Variants in COL22A1 observed in about 807,000 individuals in gnomAD.
COL22A1 encodes the protein collagen type XXII alpha 1 chain, also known as collagen alpha-1(XXII) chain.
A neutral mutation model predicts 248.9 loss-of-function variants in COL22A1; 221 were observed. The ratio of observed to expected loss-of-function variants is 0.89; its 90% CI spans 0.80 to 0.99. COL22A1 has a LOEUF of 0.99. Among genes scored for constraint, COL22A1 ranks in the 50% least tolerant of loss-of-function variants. The probability of loss-of-function intolerance (pLI) is 0.00; values close to 1 mark genes in which losing one functional copy is unlikely to be tolerated. For synonymous variants in COL22A1, 891 were observed against 793.4 expected (o/e 1.12, Z -2.07); for missense variants, 2,240 against 2,179.0 (o/e 1.03, Z -0.56).
At chr8:138,755,624 T>C (rs1832934638) in intron 19 of COL22A1, 113 bp from the exon 20 acceptor site, 1 of 1,366,498 alleles carries the variant, frequency 7.3e-7, no homozygotes, top group African/African-American at 1.4e-5. Context: ...ATGTCGTGCC[T>C]CCTGACTTTT....
At chr8:138,911,206 T>C (rs1467747500) in intron 1 of COL22A1, among the ~76,000 whole-genome samples, 3 of 152,120 alleles carry the variant, frequency 2.0e-5, no homozygotes, top group Non-Finnish European at 4.4e-5. Context: ...GACTCCAACA[T>C]CCAGTGAAGC....
chr8:138,852,862 G>A (rs907061139), intron 3 of COL22A1, among the ~76,000 whole-genome samples: 7 of 152,054 alleles, frequency 4.6e-5, no homozygotes, highest in Non-Finnish European at 8.8e-5. Flanking sequence ...AGGGAAACAG[G>A]CTATGCCCAG....
intron 3 of COL22A1, among the ~76,000 whole-genome samples, chr8:138,853,242 G>A (rs1202798095): frequency 6.6e-6 from 1 of 152,216 alleles, no homozygotes; most frequent in Non-Finnish European, 1.5e-5. Flanking sequence ...CTGAATGATG[G>A]GGCGAGGGCC....
intron 7 of COL22A1, 130 bp from the exon 8 acceptor site, chr8:138,813,149 C>G: frequency 1.4e-6 from 1 of 696,152 alleles, no homozygotes; most frequent in Non-Finnish European, 2.6e-6. Context: ...GAGTCCACCC[C>G]AGGATACCCC....
At chr8:138,884,877 G>T (rs1289746245) in intron 1 of COL22A1, among the ~76,000 whole-genome samples, 1 of 148,780 alleles carries the variant, frequency 6.7e-6, no homozygotes, top group Non-Finnish European at 1.5e-5. Context: ...AATGTTAAAA[G>T]GAATCAGAAG....
chr8:138,821,906 C>G (rs1316853732), intron 6 of COL22A1, among the ~76,000 whole-genome samples: 2 of 152,190 alleles, frequency 1.3e-5, no homozygotes, highest in East Asian at 3.8e-4. Context: ...AAAGCTGGGG[C>G]TCCCATAAAA....
At chr8:138,832,589 C>T (rs1464365065) in intron 5 of COL22A1, among the ~76,000 whole-genome samples, 2 of 152,110 alleles carry the variant, frequency 1.3e-5, no homozygotes, top group African/African-American at 4.8e-5. Context: ...CAAGGGCATT[C>T]AGTAATCTGT....
At chr8:138,648,244 G>A (rs1169468639) in intron 46 of COL22A1, among the ~76,000 whole-genome samples, 8 of 152,238 alleles carry the variant, frequency 5.3e-5, no homozygotes, top group African/African-American at 1.4e-4. Flanking sequence ...ACTGTGGCAC[G>A]CCCACGAGTG....
intron 9 of COL22A1, among the ~76,000 whole-genome samples, chr8:138,811,374 C>T (rs9693739): frequency 0.7 from 105,641 of 151,146 alleles, 36,982 homozygotes; most frequent in Non-Finnish European, 0.74. Flanking sequence ...TATATATACA[C>T]GTGTATATAT....
In COL22A1 at chr8:138,878,061, T is replaced by C. The variant is rs777264145; in HGVS notation, c.347A>G (p.Asn116Ser). The C allele has an allele frequency of 5.0e-6, 8 of 1,597,228 alleles. No individual in the cohort carries two copies. Among genetic ancestry groups the C allele is most frequent in the Middle Eastern group, 1.6e-4 (1 of 6,066 alleles). ...GATGTAGCGGAGCGCGTCTCCCGTGTTGGTGTTGCCCCCGTGGTAGGCGAG... is the reference window on the plus strand; with the variant it reads ...GATGTAGCGGAGCGCGTCTCCCGTGCTGGTGTTGCCCCCGTGGTAGGCGAG... ...RRLAYHGGNTNTGDALRYITA... is the reference protein window; with the variant it reads ...RRLAYHGGNTSTGDALRYITA... The change falls in exon 3 of 65, where the codon AAC becomes AGC. Residue 116 changes from asparagine (N) to serine (S), a missense_variant. Coordinates refer to ENST00000303045, the MANE Select transcript of COL22A1 (RefSeq NM_152888.3).
chr8:138,662,242 C>T (rs751001203), intron 42 of COL22A1, among the ~76,000 whole-genome samples, 159 bp from the exon 43 acceptor site: 1 of 152,228 alleles, frequency 6.6e-6, no homozygotes, highest in African/African-American at 2.4e-5. Context: ...AGAGCTTACT[C>T]AACTGACTGT....
intron 3 of COL22A1, among the ~76,000 whole-genome samples, chr8:138,858,699 C>A (rs1222121514): frequency 2.6e-5 from 4 of 152,158 alleles, no homozygotes; most frequent in Admixed American, 2.0e-4. Flanking sequence ...CAGTGCTCGA[C>A]CCCGGGTGAG....
At chr8:138,626,991 A>G (rs999755038) in intron 50 of COL22A1, among the ~76,000 whole-genome samples, 82 of 152,294 alleles carry the variant, frequency 5.4e-4, no homozygotes, top group African/African-American at 1.9e-3. Context: ...AATCTCCTAC[A>G]AGTGCTTACT....
At position 138,589,067 on chromosome 8, in the gene COL22A1, C is replaced by T; in HGVS notation, c.*186G>A. On this transcript the variant is annotated 3_prime_UTR_variant, in exon 65 of 65. Transcript: ENST00000303045. ...ATAATATTAATAATAATCTGACCGA[C>T]CGGCAGCGTCTGTTGGATTTAATAA... The T allele has an allele frequency of 1.7e-6, 1 of 585,778 alleles. No homozygotes were observed. Among genetic ancestry groups the T allele is most frequent in the Non-Finnish European group, 3.0e-6 (1 of 331,504 alleles). The allele number at this position is 585,778 out of a possible 1,614,324, so 36.3% of individuals were successfully genotyped here.
At chr8:138,644,070 C>T (rs1450885650) in intron 47 of COL22A1, among the ~76,000 whole-genome samples, 1 of 152,138 alleles carries the variant, frequency 6.6e-6, no homozygotes, top group Non-Finnish European at 1.5e-5. Context: ...GTGGTAGCCA[C>T]CACACCTGAC....
chr8:138,873,747 T>C (rs368608457), intron 3 of COL22A1, among the ~76,000 whole-genome samples: 27 of 151,480 alleles, frequency 1.8e-4, no homozygotes, highest in African/African-American at 6.4e-4. Context: ...ATGTGCTTGT[T>C]GAATGAATGA....
At chr8:138,613,810 T>C (rs1037895820) in intron 56 of COL22A1, 57 bp downstream of exon 56, 10 of 1,408,582 alleles carry the variant, frequency 7.1e-6, no homozygotes, top group Admixed American at 5.0e-5. Flanking sequence ...CTAAATATCA[T>C]TGTGGTAAAA....
chr8:138,813,611 AAGGGGCTTC>A (rs962036429), intron 7 of COL22A1, among the ~76,000 whole-genome samples: 59 of 65,520 alleles, frequency 9.0e-4, no homozygotes, highest in African/African-American at 2.8e-3. Context: ...GCCCCCGTGC[AAGGGGCTTC>A]AGGACACGTT....
At chr8:138,597,050 G>A in intron 61 of COL22A1, 80 bp from the exon 62 acceptor site, 1 of 1,231,056 alleles carries the variant, frequency 8.1e-7, no homozygotes, top group African/African-American at 1.5e-5. Context: ...TGGGAAACCA[G>A]GAAGTTCGTA....
Sources: gnomAD v4.1 joint callset for allele counts (sites outside exome capture counted in the v4.1 genomes callset) on GRCh38, gnomAD v4.1.1 for gene constraint, MANE v1.5 for transcripts, NCBI Gene and HGNC (gene_info 2026-07-23, HGNC 2026-07-21) for gene names.